The following SHANK2 variants were observed in gnomAD, a reference collection of about 807,000 sequenced individuals.
SHANK2 encodes SH3 and multiple ankyrin repeat domains protein 2.
A neutral mutation model predicts 133.7 loss-of-function variants in SHANK2; 43 were observed. That is an observed-to-expected ratio of 0.32 (90% confidence interval 0.25 to 0.41). SHANK2 has a LOEUF of 0.41. Among genes scored for constraint, SHANK2 ranks in the 10% least tolerant of loss-of-function variants. The pLI is 1.00. For missense variants in SHANK2, 1,994 were observed against 2,235.8 expected, an observed-to-expected ratio of 0.89 and a Z score of 2.18; for synonymous variants, 1,017 against 952.8, an observed-to-expected ratio of 1.07 and a Z score of -1.24.
In SHANK2 at chr11:71,117,624, T is replaced by C. The variant is rs75846921; in HGVS notation, c.411+1205A>G. ...GATTTCATCCTATGTAATGCCTATG[T>C]AATGAAACTTCCATAAAAATACCTC... On this transcript the variant is annotated intron_variant, in intron 4 of 25. Transcript: ENST00000601538. 6.4e-4 allele frequency among the ~76,000 whole-genome samples: 98 copies of C among 152,306 alleles called. 1 individual carries two copies. The East Asian group carries it at 0.018, about 28-fold the overall frequency.
intron 17 of SHANK2, among the ~76,000 whole-genome samples, chr11:70,600,003 A>G (rs932539269): frequency 5.9e-5 from 9 of 152,200 alleles, no homozygotes; most frequent in African/African-American, 2.2e-4. Flanking sequence ...CAGGAAGACA[A>G]CATTGTGAAG....
intron 3 of SHANK2, among the ~76,000 whole-genome samples, chr11:71,128,542 C>T (rs151211715): frequency 6.6e-6 from 1 of 152,270 alleles, no homozygotes; most frequent in East Asian, 1.9e-4. Flanking sequence ...CGATGATGTA[C>T]ACACCGATCC....
intron 17 of SHANK2, among the ~76,000 whole-genome samples, chr11:70,595,533 G>A (rs1019896727): frequency 2.0e-5 from 3 of 152,144 alleles, no homozygotes; most frequent in African/African-American, 4.8e-5. Flanking sequence ...CGAAGGCGAC[G>A]GTGAACTGTG....
chr11:70,786,229 C>G (rs782516429), intron 14 of SHANK2, among the ~76,000 whole-genome samples: 13 of 152,230 alleles, frequency 8.5e-5, no homozygotes, highest in Non-Finnish European at 1.0e-4. Context: ...TGCAGCCACC[C>G]TGGGCTGTCT....
intron 14 of SHANK2, among the ~76,000 whole-genome samples, chr11:70,701,981 T>A (rs1437700716): frequency 2.1e-5 from 3 of 144,702 alleles, no homozygotes; most frequent in African/African-American, 7.7e-5. Flanking sequence ...ACTGCCATCA[T>A]CACCATCATC....
intron 15 of SHANK2, chr11:70,669,145 C>A (rs1325773773): frequency 6.6e-6 from 1 of 152,398 alleles, no homozygotes; most frequent in African/African-American, 2.4e-5. Context: ...TGCACAAGCA[C>A]GAGTCGGCTG....
intron 14 of SHANK2, among the ~76,000 whole-genome samples, chr11:70,738,268 G>A (rs1555034028): frequency 6.6e-6 from 1 of 152,254 alleles, no homozygotes; most frequent in East Asian, 1.9e-4. Context: ...CGAGGAAACC[G>A]CGTCTGGCCT....
intron 14 of SHANK2, among the ~76,000 whole-genome samples, chr11:70,700,110 T>A (rs1473444243): frequency 3.3e-5 from 5 of 152,128 alleles, no homozygotes; most frequent in African/African-American, 9.7e-5. Flanking sequence ...TTTGACACAG[T>A]GGCTAAGTCT....
intron 5 of SHANK2, among the ~76,000 whole-genome samples, chr11:71,112,209 C>T (rs530435548): frequency 1.1e-4 from 17 of 152,240 alleles, no homozygotes; most frequent in Admixed American, 5.9e-4. Flanking sequence ...GCCTGGCCAA[C>T]GTGGCAAAAC....
rs573829141 is a variant in SHANK2, at chr11:71,231,572, A to G, written c.-112-6776T>C. On this transcript the variant is annotated intron_variant, in intron 1 of 25. Coordinates refer to ENST00000601538, the MANE Select transcript of SHANK2 (RefSeq NM_012309.5). ...TGACCCAAAAACCACACTCCTAGGC[A>G]TTCGTCCCACAGAAATTCAGACTTA... Among the ~76,000 whole-genome samples, 3 of 152,346 alleles carry G rather than the reference A, an allele frequency of 2.0e-5. No homozygotes were observed. In the South Asian group the frequency reaches 6.2e-4, roughly 32 times the overall value.
intron 15 of SHANK2, among the ~76,000 whole-genome samples, chr11:70,671,705 CTGTT>C (rs1265312047): frequency 7.9e-5 from 12 of 152,226 alleles, no homozygotes; most frequent in Non-Finnish European, 1.3e-4. Context: ...AGTCCCCACA[CTGTT>C]TGTGTCTCAG....
chr11:70,530,688 CCA>C, intron 17 of SHANK2, among the ~76,000 whole-genome samples: 1 of 152,166 alleles, frequency 6.6e-6, no homozygotes, highest in African/African-American at 2.4e-5. Context: ...GTAGCCAAAT[CCA>C]CAGAGACAGA....
intron 10 of SHANK2, among the ~76,000 whole-genome samples, chr11:70,934,981 C>A (rs1029971002): frequency 6.6e-6 from 1 of 152,206 alleles, no homozygotes; most frequent in Admixed American, 6.5e-5. Context: ...TGGAGCTAGC[C>A]GCCCTGCTTC....
At chr11:70,844,020 A>G (rs1016752708) in intron 11 of SHANK2, among the ~76,000 whole-genome samples, 5 of 152,056 alleles carry the variant, frequency 3.3e-5, no homozygotes, top group African/African-American at 9.7e-5. Context: ...GTAGGACCAC[A>G]CTGTGCTGCG....
intron 14 of SHANK2, among the ~76,000 whole-genome samples, chr11:70,711,269 C>G (rs1471443043): frequency 1.3e-5 from 2 of 152,148 alleles, no homozygotes; most frequent in African/African-American, 4.8e-5. Context: ...TCAGGGTCAC[C>G]CGGGTGGCAA....
At chr11:70,953,306 C>T (rs1041925752) in intron 10 of SHANK2, among the ~76,000 whole-genome samples, 28 of 151,870 alleles carry the variant, frequency 1.8e-4, no homozygotes, top group Non-Finnish European at 2.2e-4. Context: ...GATACATTTA[C>T]ACAGGAAAGG....
chr11:70,676,069 C>A (rs1944900388), intron 15 of SHANK2, among the ~76,000 whole-genome samples: 2 of 152,224 alleles, frequency 1.3e-5, no homozygotes, highest in African/African-American at 4.8e-5. Flanking sequence ...AACTCCTATT[C>A]ATTCTTCAAA....
intron 3 of SHANK2, among the ~76,000 whole-genome samples, chr11:71,140,500 C>T (rs1590950756): frequency 6.6e-6 from 1 of 152,298 alleles, no homozygotes; most frequent in East Asian, 1.9e-4. Context: ...GTAGAAGGCC[C>T]CTGATCTCCC....
intron 17 of SHANK2, among the ~76,000 whole-genome samples, chr11:70,579,829 C>T (rs547991680): frequency 3.3e-4 from 51 of 152,260 alleles, no homozygotes; most frequent in African/African-American, 1.1e-3. Context: ...GAGGAGGAGC[C>T]GGGAGGAGCA....
Sources: allele counts gnomAD v4.1 joint callset (sites outside exome capture counted in the v4.1 genomes callset), GRCh38; gene constraint gnomAD v4.1.1; transcripts MANE v1.5; gene names NCBI Gene and HGNC (gene_info 2026-07-23, HGNC 2026-07-21).